The following BCAS2 variants were observed in gnomAD, a reference collection of about 807,000 sequenced individuals.
BCAS2 encodes the protein pre-mRNA-splicing factor SPF27.
Under a neutral mutation model 35.3 loss-of-function variants are expected in BCAS2, and 34 were observed. The observed-to-expected ratio is 0.96, with a 90% CI of 0.73 to 1.28. The LOEUF (loss-of-function observed/expected upper bound fraction) is 1.28. Among genes scored for constraint, BCAS2 ranks in the 50% most tolerant of loss-of-function variants. The pLI is 0.00. For synonymous variants in BCAS2, 75 were observed against 91.6 expected (o/e 0.82, Z 1.03); for missense variants, 221 against 268.1 (o/e 0.82, Z 1.23).
At chr1:114,575,036 C>CTT (rs546575497) in intron 4 of BCAS2, among the ~76,000 whole-genome samples, 26,687 of 140,130 alleles carry the variant, frequency 0.19, 3,317 homozygotes, top group Non-Finnish European at 0.28. Flanking sequence ...GCCGGCTAAT[C>CTT]TTTTTTTTTT....
At chr1:114,574,389 G>A (rs936766969) in intron 4 of BCAS2, among the ~76,000 whole-genome samples, 1 of 152,114 alleles carries the variant, frequency 6.6e-6, no homozygotes. Context: ...CTGTTAGTGG[G>A]GCAGTTTCAA....
chr1:114,576,243 C>A (rs540247791), intron 3 of BCAS2, among the ~76,000 whole-genome samples: 2,095 of 144,968 alleles, frequency 0.014, 23 homozygotes, highest in African/African-American at 0.035. Flanking sequence ...CTCTCTCTCT[C>A]TCTCTATATA....
chr1:114,568,335 C>T, intron 6 of BCAS2, 79 bp from the exon 7 acceptor site: 3 of 1,411,248 alleles, frequency 2.1e-6, no homozygotes, highest in Non-Finnish European at 1.9e-6. Context: ...AATGTATACA[C>T]ATGTTCACCC....
chr1:114,570,787 A>C, intron 4 of BCAS2, 37 bp from the exon 5 acceptor site: 2 of 1,379,526 alleles, frequency 1.4e-6, no homozygotes, highest in East Asian at 4.7e-5. Flanking sequence ...AAAATACATT[A>C]AAATAGTACC....
intron 2 of BCAS2, among the ~76,000 whole-genome samples, chr1:114,579,915 ATGT>A (rs1292205436): frequency 6.6e-6 from 1 of 152,000 alleles, no homozygotes; most frequent in Non-Finnish European, 1.5e-5. Context: ...TGTTACTTTA[ATGT>A]AAATAATATC....
At position 114,568,102 on chromosome 1, in the gene BCAS2, C is replaced by G. The variant is rs369620588; in HGVS notation, c.*28G>C. The G allele has an allele frequency of 6.2e-7, 1 of 1,611,310 alleles. No homozygotes were observed. Among genetic ancestry groups the G allele is most frequent in the Non-Finnish European group, 8.5e-7 (1 of 1,179,670 alleles). On this transcript the variant is annotated 3_prime_UTR_variant, in exon 7 of 7. Coordinates refer to ENST00000369541, the MANE Select transcript of BCAS2 (RefSeq NM_005872.3). ...TCAGATGCCTTTTGTGAAAGCCCAA[C>G]TTTTCTTCTACCTGCTAAATTGTCT...
At chr1:114,578,335 CAA>C (rs74817162) in intron 2 of BCAS2, among the ~76,000 whole-genome samples, 1 of 143,752 alleles carries the variant, frequency 7.0e-6, no homozygotes. Context: ...TAGTTTCCTG[CAA>C]AAAAAAAAAC....
intron 6 of BCAS2, 125 bp downstream of exon 6, chr1:114,569,867 A>T: frequency 1.4e-6 from 1 of 731,902 alleles, no homozygotes. Flanking sequence ...GGAAGGGTGA[A>T]TTCAGAAAAT....
chr1:114,578,875 C>A (rs1654827132), intron 2 of BCAS2, among the ~76,000 whole-genome samples: 1 of 152,170 alleles, frequency 6.6e-6, no homozygotes, highest in Non-Finnish European at 1.5e-5. Context: ...CTCTAAGCTG[C>A]AGTTTTCCCA....
chr1:114,575,444 C>T, intron 4 of BCAS2, 146 bp downstream of exon 4: 2 of 728,756 alleles, frequency 2.7e-6, no homozygotes, highest in Non-Finnish European at 2.1e-6. Context: ...ATCCACCCAC[C>T]TCTGCCTCCC....
chr1:114,568,515 G>A (rs77456680), intron 6 of BCAS2, among the ~76,000 whole-genome samples: 7,329 of 151,900 alleles, frequency 0.048, 197 homozygotes, highest in Middle Eastern at 0.065. Context: ...ACAGGCACAC[G>A]CCACCACAGC....
chr1:114,576,241 C>A (rs1447734739), intron 3 of BCAS2, among the ~76,000 whole-genome samples: 48 of 145,302 alleles, frequency 3.3e-4, no homozygotes, highest in African/African-American at 9.6e-4. Context: ...CTCTCTCTCT[C>A]TCTCTCTATA....
At chr1:114,581,184 C>G (rs1654880904) in intron 2 of BCAS2, 115 bp downstream of exon 2, 3 of 1,005,448 alleles carry the variant, frequency 3.0e-6, no homozygotes, top group Non-Finnish European at 4.8e-6. Flanking sequence ...GACACCTATA[C>G]AGTAGGTAAG....
Position 114,570,684 on chromosome 1 carries a change from G to C in BCAS2, c.470+16C>G, listed in dbSNP as rs1654621424. ...TTCACTTAAACTTCATTCTGTAATA[G>C]GAAAAAACAATTTACCTTAACTTCT... On this transcript the variant is annotated intron_variant, in intron 5 of 6. Coordinates refer to ENST00000369541, the MANE Select transcript of BCAS2 (RefSeq NM_005872.3). 2.6e-6 allele frequency: 4 copies of C among 1,553,428 alleles called. No homozygotes were observed. In the South Asian group the frequency reaches 3.5e-5, roughly 13 times the overall value.
At chr1:114,570,314 GT>G (rs1213811076) in intron 5 of BCAS2, among the ~76,000 whole-genome samples, 1 of 151,822 alleles carries the variant, frequency 6.6e-6, no homozygotes, top group Non-Finnish European at 1.5e-5. Context: ...CAAGTCTCAA[GT>G]CCCCCCTCTC....
chr1:114,581,015 G>C (rs1406011064), intron 2 of BCAS2, among the ~76,000 whole-genome samples: 1 of 152,188 alleles, frequency 6.6e-6, no homozygotes, highest in African/African-American at 2.4e-5. Flanking sequence ...CTTGGCAGGA[G>C]AGGGTCCCTT....
intron 6 of BCAS2, among the ~76,000 whole-genome samples, 167 bp downstream of exon 6, chr1:114,569,825 C>T (rs1654603103): frequency 6.6e-6 from 1 of 152,146 alleles, no homozygotes; most frequent in Admixed American, 6.6e-5. Context: ...GTTTATAGTT[C>T]TCTTTAACAC....
Position 114,581,294 on chromosome 1 carries a change from C to T in BCAS2, c.186+5G>A, listed in dbSNP as rs765643429. 3 of 1,613,898 alleles carry T rather than the reference C, an allele frequency of 1.9e-6. No individual in the cohort carries two copies. The highest frequency in any genetic ancestry group is 2.2e-5 in the South Asian group (2 of 91,084). ...CGTTCACACCTAGGCTCAAGACATA[C>T]TTACTTCAAAGGCAGAATAATCCGG... is the stretch of plus-strand genomic sequence containing the variant. On this transcript the variant is annotated splice_donor_5th_base_variant and intron_variant, in intron 2 of 6. Transcript: ENST00000369541.
chr1:114,567,744 GA>G lies in BCAS2; in HGVS notation c.*385del, dbSNP rs1325363058. ...TGTTTGGTGATCAAGAATGTGTTTA[GA>G]ACTATCTCTTTATTAGACAAAGTCA... On this transcript the variant is annotated 3_prime_UTR_variant, in exon 7 of 7. Transcript: ENST00000369541. The G allele has an allele frequency of 5.9e-6, 1 of 168,566 alleles. No individual in the cohort carries two copies. Among genetic ancestry groups the G allele is most frequent in the African/African-American group, 2.4e-5 (1 of 41,712 alleles). The allele number at this position is 168,566 out of a possible 1,614,324, so 10.4% of individuals were successfully genotyped here. A position where few individuals can be genotyped will look rare whatever the true frequency, so the allele number is the denominator to read the frequency against.
Sources: gnomAD v4.1 joint callset for allele counts (sites outside exome capture counted in the v4.1 genomes callset) on GRCh38, gnomAD v4.1.1 for gene constraint, MANE v1.5 for transcripts, NCBI Gene and HGNC (gene_info 2026-07-23, HGNC 2026-07-21) for gene names.